ROBO2: variants seen among roughly 807,000 people sequenced by gnomAD.
The protein encoded by ROBO2 is roundabout guidance receptor 2.
ROBO2 carries 53 observed loss-of-function variants against 160.8 expected under a neutral mutation model. That is an observed-to-expected ratio of 0.33 (90% CI 0.26 to 0.41). The LOEUF is 0.41. ROBO2 is among the 10% of genes least tolerant of loss of function. The pLI is 1.00. For synonymous variants in ROBO2, 664 were observed against 611.7 expected, an observed-to-expected ratio of 1.09 and a Z score of -1.26; for missense variants, 1,577 against 1,722.4, an observed-to-expected ratio of 0.92 and a Z score of 1.49.
At chr3:76,078,733 A>T (rs1015086762) in intron 2 of ROBO2, among the ~76,000 whole-genome samples, 41 of 119,696 alleles carry the variant, frequency 3.4e-4, no homozygotes, top group African/African-American at 1.2e-3. Context: ...ACAATATTTT[A>T]AAAATTAGAA....
At chr3:77,236,154 A>G (rs913776098) in intron 2 of ROBO2, among the ~76,000 whole-genome samples, 4 of 152,212 alleles carry the variant, frequency 2.6e-5, no homozygotes, top group Non-Finnish European at 5.9e-5. Flanking sequence ...TAAGACGTAC[A>G]TTGGCAGTTC....
intron 2 of ROBO2, among the ~76,000 whole-genome samples, chr3:76,458,791 C>A (rs980915241): frequency 7.9e-5 from 12 of 152,052 alleles, no homozygotes; most frequent in Non-Finnish European, 2.9e-5. Context: ...GAAGCAAAAG[C>A]GGAAACCCCT....
chr3:77,123,038 G>T (rs1011401626), intron 2 of ROBO2, among the ~76,000 whole-genome samples: 2 of 152,028 alleles, frequency 1.3e-5, no homozygotes, highest in Non-Finnish European at 2.9e-5. Flanking sequence ...AGAGGAATCA[G>T]CAATAAAAGC....
chr3:76,427,859 T>C (rs6548429), intron 2 of ROBO2, among the ~76,000 whole-genome samples: 98,697 of 151,970 alleles, frequency 0.65, 32,894 homozygotes, highest in African/African-American at 0.8. Flanking sequence ...TTAGCACAAA[T>C]ATCTTAATCA....
At chr3:77,548,293 C>T (rs1295427066) in intron 7 of ROBO2, among the ~76,000 whole-genome samples, 1 of 151,986 alleles carries the variant, frequency 6.6e-6, no homozygotes, top group Non-Finnish European at 1.5e-5. Flanking sequence ...ACACATTTTA[C>T]TTCACACAAA....
At chr3:76,575,989 A>T (rs1162956687) in intron 2 of ROBO2, among the ~76,000 whole-genome samples, 1 of 152,056 alleles carries the variant, frequency 6.6e-6, no homozygotes, top group Non-Finnish European at 1.5e-5. Flanking sequence ...AATAAATTTT[A>T]AAATTGGAAG....
At chr3:76,210,538 A>G (rs1229550979) in intron 2 of ROBO2, among the ~76,000 whole-genome samples, 1 of 152,110 alleles carries the variant, frequency 6.6e-6, no homozygotes, top group African/African-American at 2.4e-5. Flanking sequence ...TTCTCAATCA[A>G]TACCAAATTT....
At chr3:76,565,536 C>A (rs1012463881) in intron 2 of ROBO2, among the ~76,000 whole-genome samples, 13 of 152,088 alleles carry the variant, frequency 8.5e-5, no homozygotes, top group Middle Eastern at 3.2e-3. Flanking sequence ...AAAATGTTTC[C>A]ATTTTTCTTC....
At chr3:77,564,922 T>G (rs1196814886) in intron 11 of ROBO2, 32 bp from the exon 13 acceptor site, 3 of 1,606,920 alleles carry the variant, frequency 1.9e-6, no homozygotes, top group African/African-American at 1.3e-5. Context: ...CAAATGACTG[T>G]TCTTTAAATG....
chr3:76,178,885 G>T (rs1292899626), intron 2 of ROBO2, among the ~76,000 whole-genome samples: 3 of 152,134 alleles, frequency 2.0e-5, no homozygotes, highest in Non-Finnish European at 4.4e-5. Context: ...AGGTTGCAAT[G>T]AGCTGAGGTC....
intron 2 of ROBO2, among the ~76,000 whole-genome samples, chr3:76,629,148 T>A (rs562933215): frequency 6.6e-6 from 1 of 152,170 alleles, no homozygotes; most frequent in Non-Finnish European, 1.5e-5. Flanking sequence ...GCATATCTGG[T>A]TGTGCTCAAT....
chr3:77,360,808 G>T (rs564384286), intron 2 of ROBO2, among the ~76,000 whole-genome samples: 2 of 152,018 alleles, frequency 1.3e-5, no homozygotes, highest in Admixed American at 1.3e-4. Flanking sequence ...TTAATTCTTA[G>T]CACTTTCATC....
intron 2 of ROBO2, among the ~76,000 whole-genome samples, chr3:76,502,197 G>T (rs77770482): frequency 0.082 from 12,508 of 152,126 alleles, 768 homozygotes; most frequent in East Asian, 0.21. Flanking sequence ...AAATAAAGAT[G>T]ATTTTCTTCT....
intron 2 of ROBO2, among the ~76,000 whole-genome samples, chr3:76,276,303 A>G (rs960152751): frequency 6.6e-6 from 1 of 152,072 alleles, no homozygotes; most frequent in Non-Finnish European, 1.5e-5. Flanking sequence ...TCAATGTCCA[A>G]TATGATAGAT....
At chr3:77,178,720 C>T (rs1332876519) in intron 2 of ROBO2, among the ~76,000 whole-genome samples, 1 of 151,954 alleles carries the variant, frequency 6.6e-6, no homozygotes, top group Non-Finnish European at 1.5e-5. Flanking sequence ...TTACATAGGA[C>T]ATATTTGACT....
chr3:77,642,903 A>G (rs1326968644), intron 24 of ROBO2: 1 of 456,636 alleles, frequency 2.2e-6, no homozygotes, highest in Admixed American at 2.3e-5. Flanking sequence ...AACGACAAGA[A>G]GATATACGGA....
At chr3:75,937,727 C>T (rs1054307994) in intron 2 of ROBO2, 5 of 501,224 alleles carry the variant, frequency 1.0e-5, no homozygotes, top group Non-Finnish European at 1.8e-5. Context: ...GTTTTTGTTA[C>T]ACGGTATTGT....
At chr3:76,480,751 G>A (rs978681660) in intron 2 of ROBO2, among the ~76,000 whole-genome samples, 3 of 152,076 alleles carry the variant, frequency 2.0e-5, no homozygotes, top group African/African-American at 7.2e-5. Flanking sequence ...AGACCATGAA[G>A]GTTAGAATTT....
intron 2 of ROBO2, among the ~76,000 whole-genome samples, chr3:77,409,834 A>G (rs1219014789): frequency 6.6e-6 from 1 of 152,222 alleles, no homozygotes; most frequent in South Asian, 2.1e-4. Flanking sequence ...GGAAAGAATC[A>G]AAGTGAATAA....
Sources: gnomAD v4.1 joint callset for allele counts (sites outside exome capture counted in the v4.1 genomes callset) on GRCh38, gnomAD v4.1.1 for gene constraint, MANE v1.5 for transcripts, NCBI Gene and HGNC (gene_info 2026-07-23, HGNC 2026-07-21) for gene names.